MUC6: variants seen among roughly 807,000 people sequenced by gnomAD.
MUC6 encodes the protein mucin 6, oligomeric mucus/gel-forming (gene/pseudogene).
In MUC6, 188 loss-of-function variants were observed where a neutral mutation model predicts 201.5. The ratio of observed to expected loss-of-function variants is 0.93; its 90% CI spans 0.83 to 1.05. The LOEUF (loss-of-function observed/expected upper bound fraction) is 1.05. Among genes scored for constraint, MUC6 ranks in the 50% least tolerant of loss-of-function variants. The pLI is 0.00. For missense variants in MUC6, 2,706 were observed against 3,256.9 expected (o/e 0.83, Z 4.12); for synonymous variants, 1,228 against 1,389.4 (o/e 0.88, Z 2.58).
At position 1,033,548 on chromosome 11, in the gene MUC6, C is replaced by T. The variant is rs553976326; in HGVS notation, c.53-473G>A. 1.2e-4 allele frequency among the ~76,000 whole-genome samples: 19 copies of T among 152,052 alleles called. No individual in the cohort carries two copies. Among genetic ancestry groups the T allele is most frequent in the African/African-American group, 3.6e-4 (15 of 41,488 alleles). On this transcript the variant is annotated intron_variant, in intron 1 of 32. Transcript: ENST00000421673. This position sits in a 1 kb window ranked among gnomAD's most constrained non-coding sequence, Gnocchi z 5.6. ...CGGTTCTCCCTGCTCTCGGTGGCTC[C>T]GGGGCTCTAAACATGGCCGCTTTCC...
rs1319217888 is a variant in MUC6 at position 1,016,363 on chromosome 11, G to A, written c.6438C>T (p.Pro2146=). 1.3e-5 allele frequency: 21 copies of A among 1,611,802 alleles called. No homozygotes were observed. Among genetic ancestry groups the A allele is most frequent in the Admixed American group, 1.7e-5 (1 of 59,556 alleles). Residue 2146 remains proline (P), a synonymous_variant, in exon 31 of 33, where the codon CCC becomes CCT. Transcript: ENST00000421673. ...SAPSTVSSYV[P]SSHSSPQTSS... is the part of the protein sequence containing the mutation. ...AAGTCTGGGGAGAGGAGTGGGAGGAGGGCACATAAGAAGAAACAGTAGAGG... is the reference window on the plus strand; with the variant it reads ...AAGTCTGGGGAGAGGAGTGGGAGGAAGGCACATAAGAAGAAACAGTAGAGG...
At chr11:1,020,631 G>C in intron 28 of MUC6, 53 bp downstream of exon 28, 1 of 1,610,602 alleles carries the variant, frequency 6.2e-7, no homozygotes. Context: ...GGAACCGAGG[G>C]GAGCCCAGGA....
At chr11:1,030,389 G>A in intron 7 of MUC6, 54 bp from the exon 8 acceptor site, 1 of 605,240 alleles carries the variant, frequency 1.7e-6, no homozygotes, top group Non-Finnish European at 2.2e-6. Context: ...ACCCCTCCCT[G>A]CCCCACCCCA....
In MUC6 at chr11:1,013,651, CAG is replaced by C. The variant is rs757642578; in HGVS notation, c.7143-20_7143-19del. On this transcript the variant is annotated intron_variant, in intron 32 of 32. Coordinates refer to ENST00000421673, the MANE Select transcript of MUC6 (RefSeq NM_005961.3). Reference sequence around the variant, plus strand: ...TGTTGAAGCTGCCGAGAAGTCAAGACAGAGCAGGGTCATGACTGCTGCAGGGG... The same window carrying C: ...TGTTGAAGCTGCCGAGAAGTCAAGACAGCAGGGTCATGACTGCTGCAGGGG... 4.4e-5 allele frequency: 68 copies of C among 1,553,932 alleles called. No individual in the cohort carries two copies. Among genetic ancestry groups the C allele is most frequent in the South Asian group, 1.8e-4 (15 of 84,264 alleles).
Position 1,025,862 on chromosome 11 carries a change from G to A in MUC6, c.2742C>T (p.Asn914=), listed in dbSNP as rs1398869832. Residue 914 remains asparagine, a synonymous_variant, in exon 22 of 33, where the codon AAC becomes AAT. Transcript: ENST00000421673. ...SQPTFKILTE[N]VICGNSGVTC... is the part of the protein sequence containing the mutation. ...TGACCCCGGAGTTCCCACAGATGACGTTCTCTGTCAGGATCTTGAAGGTGG... is the reference window on the plus strand; with the variant it reads ...TGACCCCGGAGTTCCCACAGATGACATTCTCTGTCAGGATCTTGAAGGTGG... The A allele has an allele frequency of 1.2e-6, 2 of 1,613,012 alleles. No homozygotes were observed. The highest frequency in any genetic ancestry group is 1.7e-6 in the Non-Finnish European group (2 of 1,179,742).
chr11:1,023,471 C>T (rs2133825176), intron 26 of MUC6, 38 bp downstream of exon 26: 1 of 1,548,188 alleles, frequency 6.5e-7, no homozygotes, highest in Admixed American at 2.0e-5. Context: ...TGAATGGGTC[C>T]CCCTGTGTAT....
At chr11:1,021,109 G>A (rs1477940979) in intron 27 of MUC6, 106 bp downstream of exon 27, 1 of 1,139,656 alleles carries the variant, frequency 8.8e-7, no homozygotes, top group Non-Finnish European at 1.2e-6. Flanking sequence ...CTCACGTAAG[G>A]GCTCACAGCC....
chr11:1,030,741 C>T lies in MUC6; in HGVS notation c.724G>A (p.Glu242Lys). The T allele has an allele frequency of 6.5e-7, 1 of 1,540,898 alleles. No homozygotes were observed. The highest frequency in any genetic ancestry group is 8.7e-7 in the Non-Finnish European group (1 of 1,147,490). ...CTQLLTLVAPECSVSKEPFVL... is the reference protein window; with the variant it reads ...CTQLLTLVAPKCSVSKEPFVL... ...AAGGGCTCCTTGGACACGCTGCACT[C>T]AGGGGCCACCAGGGTCAGCAGCTGG... Residue 242 changes from glutamate (E) to lysine (K), a missense_variant, in exon 7 of 33, where the codon GAG becomes AAG. Glu to Lys is a moderately conservative substitution (Grantham distance 56). This residue lies in a region of MUC6 where 1,850 missense variants were observed against 1,958.3 expected (regional missense o/e 0.94). Transcript: ENST00000421673.
chr11:1,014,633 C>T (rs546459993), intron 31 of MUC6, among the ~76,000 whole-genome samples: 3 of 152,328 alleles, frequency 2.0e-5, no homozygotes, highest in South Asian at 2.1e-4. Context: ...CATTAGAAAC[C>T]GCCACTGGAG....
chr11:1,030,960 C>T lies in MUC6; in HGVS notation c.671G>A (p.Arg224Gln), dbSNP rs771729965. Residue 224 changes from arginine (R) to glutamine (Q), a missense_variant, in exon 6 of 33, where the codon CGG becomes CAG. Coordinates refer to ENST00000421673, the MANE Select transcript of MUC6 (RefSeq NM_005961.3). ...CCCCTTGCTTACGTGCTGGGCCTGC[C>T]GGACGTGGGTGCTGGGGATGTCCTG... ...TFQDIPSTHV[R>Q]QAQHARICTQ... 2.2e-5 allele frequency: 35 copies of T among 1,577,620 alleles called. No homozygotes were observed. The highest frequency in any genetic ancestry group is 1.2e-4 in the African/African-American group (9 of 74,294).
chr11:1,016,436 GA>G lies in MUC6; in HGVS notation c.6364del (p.Ser2122ProfsTer54). The G allele has an allele frequency of 6.2e-7, 1 of 1,613,908 alleles. No homozygotes were observed. The highest frequency in any genetic ancestry group is 8.5e-7 in the Non-Finnish European group (1 of 1,179,862). On this transcript the variant is annotated frameshift_variant, in exon 31 of 33. Coordinates refer to ENST00000421673, the MANE Select transcript of MUC6 (RefSeq NM_005961.3). LOFTEE classifies it high-confidence loss of function. The stretch of plus-strand genomic sequence containing the variant: ...TGAGGAGGACAGCTGATTAGTTGTG[GA>G]AACAGGAGTGGTTGCAGAACTCAAG... ...PHLSSATTPVSTTNQLSSSFS... is the reference protein window; with the variant it reads ...PHLSSATTPVXTTNQLSSSFS...
At position 1,027,674 on chromosome 11, in the gene MUC6, C is replaced by T. The variant is rs371798320; in HGVS notation, c.1981+11G>A. 2.6e-5 allele frequency: 42 copies of T among 1,592,256 alleles called. 1 individual carries two copies. Among genetic ancestry groups the T allele is most frequent in the Non-Finnish European group, 3.2e-5 (37 of 1,170,060 alleles). Reference sequence around the variant, plus strand: ...TGCCGTGACCCCGCTTAAGCCCCGTCGGGCACTCACTGCAGTTGTCCACAC... The same window carrying T: ...TGCCGTGACCCCGCTTAAGCCCCGTTGGGCACTCACTGCAGTTGTCCACAC... On this transcript the variant is annotated intron_variant, in intron 16 of 32. Coordinates refer to ENST00000421673, the MANE Select transcript of MUC6 (RefSeq NM_005961.3).
rs1382117712 is a variant in MUC6, at chr11:1,033,218, C to G, written c.53-143G>C. The G allele has an allele frequency of 1.3e-6, 1 of 755,362 alleles. No homozygotes were observed. The highest frequency in any genetic ancestry group is 2.2e-5 in the Admixed American group (1 of 44,734). The allele number at this position is 755,362 out of a possible 1,614,324, so 46.8% of individuals were successfully genotyped here. ...TGTCCATGGCCCGTGGGGCTCGAGG[C>G]CTCAACAGCAAGCCAAGCGCTTGGC... is the stretch of plus-strand genomic sequence containing the variant. On this transcript the variant is annotated intron_variant, in intron 1 of 32. Transcript: ENST00000421673. This position sits in a 1 kb window ranked among gnomAD's most constrained non-coding sequence, Gnocchi z 5.6.
chr11:1,016,937 G>A lies in MUC6; in HGVS notation c.5864C>T (p.Thr1955Ile), dbSNP rs1470818431. The A allele has an allele frequency of 6.2e-7, 1 of 1,614,102 alleles. No individual in the cohort carries two copies. Among genetic ancestry groups the A allele is most frequent in the Non-Finnish European group, 8.5e-7 (1 of 1,179,890 alleles). The part of the protein sequence containing the change: ...TGTRTPVAHT[T>I]SASSSRLPTP... ...GGGTAGCCTGCTGCTGCTGGCCGAGGTGGTGTGGGCCACAGGGGTTCTGGT... is the reference window on the plus strand; with the variant it reads ...GGGTAGCCTGCTGCTGCTGGCCGAGATGGTGTGGGCCACAGGGGTTCTGGT... The change falls in exon 31 of 33, where the codon ACC becomes ATC. Residue 1955 changes from threonine to isoleucine, a missense_variant. Around this residue, in one of 10 missense-constraint regions of MUC6, gnomAD observed 20 missense variants for 128.3 expected, o/e 0.16. Transcript: ENST00000421673.
At position 1,029,238 on chromosome 11, in the gene MUC6, A is replaced by C; in HGVS notation, c.1265T>G (p.Ile422Ser). ...PYRFHGTCTY[I>S]LLQSPQLPED... ...CAGGGCTCGTCCTACCTGGAGGAGG[A>C]TGTAGGTGCAGGTGCCGTGGAAGCG... is the stretch of plus-strand genomic sequence containing the variant. Residue 422 changes from isoleucine to serine, a missense_variant, in exon 10 of 33, where the codon ATC becomes AGC. This residue lies in a region of MUC6 where 1,850 missense variants were observed against 1,958.3 expected (regional missense o/e 0.94). Transcript: ENST00000421673. 2 of 1,607,636 alleles carry C rather than the reference A, an allele frequency of 1.2e-6. No homozygotes were observed. Among genetic ancestry groups the C allele is most frequent in the Non-Finnish European group, 1.7e-6 (2 of 1,177,794 alleles).
intron 30 of MUC6, 128 bp from the exon 31 acceptor site, chr11:1,018,898 C>T: frequency 8.1e-7 from 1 of 1,239,464 alleles, no homozygotes; most frequent in Non-Finnish European, 1.1e-6. Context: ...TGACATGGCC[C>T]CTGCTGGGCA....
intron 31 of MUC6, among the ~76,000 whole-genome samples, chr11:1,015,216 C>G (rs1245370589): frequency 0.02 from 1 of 50 alleles, no homozygotes; most frequent in East Asian, 0.25. Context: ...AGGCATGGGC[C>G]GGGAAGAGAC....
At position 1,027,732 on chromosome 11, in the gene MUC6, A is replaced by G. The variant is rs753691118; in HGVS notation, c.1934T>C (p.Leu645Ser). ...CCAGCCCCAGAGCAGGACGCCCCGC[A>G]AGGAGCAGGCGTGTACGTAGTCGCC... ...ALGDYVHACS[L>S]RGVLLWGWRS... The change falls in exon 16 of 33, where the codon TTG (leucine) becomes TCG (serine). Residue 645 changes from leucine to serine, a missense_variant. Coordinates refer to ENST00000421673, the MANE Select transcript of MUC6 (RefSeq NM_005961.3). 4 of 1,608,434 alleles carry G rather than the reference A, an allele frequency of 2.5e-6. No individual in the cohort carries two copies. The East Asian group carries it at 8.9e-5, about 36-fold the overall frequency.
chr11:1,030,366 T>TACCCCCCCCCCCCCCCCCCCC, intron 7 of MUC6, 31 bp from the exon 8 acceptor site: 1 of 1,489,594 alleles, frequency 6.7e-7, no homozygotes, highest in Non-Finnish European at 9.1e-7. Context: ...GGTGAGAGGG[T>TACCCCCCCCCCCCCCCCCCCC]CCCACCCCCC....
Sources: allele counts gnomAD v4.1 joint callset (sites outside exome capture counted in the v4.1 genomes callset), GRCh38; gene constraint gnomAD v4.1.1; regional missense constraint gnomAD v4.1.1; non-coding constraint Gnocchi (gnomAD v3.1); transcripts MANE v1.5; gene names NCBI Gene and HGNC (gene_info 2026-07-23, HGNC 2026-07-21).